The following GPC6 variants were observed in gnomAD, a reference collection of about 807,000 sequenced individuals.
GPC6 encodes glypican 6.
GPC6 carries 14 observed loss-of-function variants against 55.2 expected under a neutral mutation model. That is an observed-to-expected ratio of 0.25 (90% CI 0.17 to 0.40). The LOEUF is 0.40. GPC6 is among the 10% of genes least tolerant of loss of function. The probability of loss-of-function intolerance (pLI) is 1.00; values close to 1 mark genes in which losing one functional copy is unlikely to be tolerated. For synonymous variants in GPC6, 278 were observed against 259.6 expected, an observed-to-expected ratio of 1.07 and a Z score of -0.68; for missense variants, 641 against 708.5, an observed-to-expected ratio of 0.90 and a Z score of 1.08.
At chr13:93,970,310 AC>A (rs1486474468) in intron 3 of GPC6, among the ~76,000 whole-genome samples, 4 of 152,184 alleles carry the variant, frequency 2.6e-5, no homozygotes, top group Admixed American at 6.5e-5. Context: ...GCATAGACAA[AC>A]AAAACCTGAC....
At chr13:93,794,008 G>T (rs1312344212) in intron 2 of GPC6, among the ~76,000 whole-genome samples, 1 of 152,082 alleles carries the variant, frequency 6.6e-6, no homozygotes, top group Non-Finnish European at 1.5e-5. Context: ...TTTGTGCTTT[G>T]CTTTGACATA....
intron 3 of GPC6, among the ~76,000 whole-genome samples, chr13:94,001,873 C>A (rs1450925406): frequency 1.3e-5 from 2 of 152,112 alleles, no homozygotes; most frequent in Non-Finnish European, 2.9e-5. Context: ...AAAAAATAAA[C>A]AACTTCACTG....
chr13:93,908,189 G>T (rs1594578326), intron 3 of GPC6, among the ~76,000 whole-genome samples: 1 of 152,154 alleles, frequency 6.6e-6, no homozygotes, highest in Non-Finnish European at 1.5e-5. Flanking sequence ...CTGCCTAAAG[G>T]TAAAGGCAGA....
chr13:94,091,941 A>C (rs1471935342), intron 4 of GPC6, among the ~76,000 whole-genome samples: 1 of 119,822 alleles, frequency 8.3e-6, no homozygotes, highest in African/African-American at 3.2e-5. Flanking sequence ...TGTATTTTAA[A>C]GGCAGCCCAA....
intron 6 of GPC6, among the ~76,000 whole-genome samples, chr13:94,307,141 T>C (rs975059206): frequency 6.6e-6 from 1 of 152,224 alleles, no homozygotes; most frequent in Non-Finnish European, 1.5e-5. Flanking sequence ...CATTTCTGTC[T>C]ATAAAAATCA....
At chr13:93,245,332 T>C (rs763054327) in intron 1 of GPC6, among the ~76,000 whole-genome samples, 4 of 152,214 alleles carry the variant, frequency 2.6e-5, no homozygotes, top group Non-Finnish European at 5.9e-5. Flanking sequence ...GCACAGTCCT[T>C]CCTTCTTCTA....
chr13:93,262,166 T>C (rs774736496), intron 1 of GPC6, among the ~76,000 whole-genome samples: 17 of 152,140 alleles, frequency 1.1e-4, no homozygotes, highest in Non-Finnish European at 2.1e-4. Flanking sequence ...TCTTGGCTTA[T>C]ACAACATTCC....
chr13:93,357,719 C>T lies in GPC6; in HGVS notation c.160+130103C>T, dbSNP rs145503529. On this transcript the variant is annotated intron_variant, in intron 1 of 8. Coordinates refer to ENST00000377047, the MANE Select transcript of GPC6 (RefSeq NM_005708.5). ...ACATGGTATTGTGTGCCTGTGGTCCCAGCTACTCAGGAGGCTGAGGCTGGA... is the reference window on the plus strand; with the variant it reads ...ACATGGTATTGTGTGCCTGTGGTCCTAGCTACTCAGGAGGCTGAGGCTGGA... Among the ~76,000 whole-genome samples the T allele has an allele frequency of 3.2e-3, 490 of 152,200 alleles. 3 individuals carry two copies. Among genetic ancestry groups the T allele is most frequent in the African/African-American group, 0.011 (474 of 41,514 alleles).
At chr13:93,780,279 A>G (rs1885597141) in intron 2 of GPC6, among the ~76,000 whole-genome samples, 1 of 152,024 alleles carries the variant, frequency 6.6e-6, no homozygotes, top group African/African-American at 2.4e-5. Context: ...TAAAAGCAAA[A>G]AAAAACACAT....
chr13:94,288,596 C>G (rs1874673200), intron 5 of GPC6, among the ~76,000 whole-genome samples: 1 of 140,152 alleles, frequency 7.1e-6, no homozygotes, highest in South Asian at 2.3e-4. Flanking sequence ...CTCTCTCTCT[C>G]AGCTCCTTGA....
At chr13:94,384,036 G>A (rs1039921652) in intron 7 of GPC6, among the ~76,000 whole-genome samples, 1 of 152,204 alleles carries the variant, frequency 6.6e-6, no homozygotes, top group African/African-American at 2.4e-5. Context: ...TATGGGGATT[G>A]CAATTCAAGA....
intron 3 of GPC6, among the ~76,000 whole-genome samples, chr13:93,842,066 G>A (rs1332455826): frequency 6.6e-6 from 1 of 151,976 alleles, no homozygotes; most frequent in Non-Finnish European, 1.5e-5. Flanking sequence ...CTAAAAACAC[G>A]TTCTGTTACT....
chr13:94,006,402 C>G (rs72644500), intron 3 of GPC6, among the ~76,000 whole-genome samples: 85 of 152,012 alleles, frequency 5.6e-4, no homozygotes, highest in African/African-American at 2.0e-3. Context: ...TCCTCAGACC[C>G]GAGGCTTATA....
At chr13:93,404,875 TATCACA>T (rs1876229963) in intron 1 of GPC6, among the ~76,000 whole-genome samples, 1 of 152,172 alleles carries the variant, frequency 6.6e-6, no homozygotes, top group Non-Finnish European at 1.5e-5. Flanking sequence ...AAATAAATAC[TATCACA>T]TAGAAGATTT....
chr13:93,638,015 A>G (rs1467677001), intron 2 of GPC6, among the ~76,000 whole-genome samples: 2 of 152,072 alleles, frequency 1.3e-5, no homozygotes, highest in East Asian at 1.9e-4. Flanking sequence ...AAAACCTAGA[A>G]CTTTCGGAGT....
intron 1 of GPC6, among the ~76,000 whole-genome samples, chr13:93,394,368 T>A (rs1009486187): frequency 6.6e-6 from 1 of 152,218 alleles, no homozygotes; most frequent in Non-Finnish European, 1.5e-5. Context: ...TTATAGTAAG[T>A]ATTCAATAAA....
At chr13:93,647,962 A>C (rs2139595109) in intron 2 of GPC6, among the ~76,000 whole-genome samples, 1 of 152,170 alleles carries the variant, frequency 6.6e-6, no homozygotes, top group Non-Finnish European at 1.5e-5. Flanking sequence ...TTGCTGCCTA[A>C]ACACGGGAGT....
chr13:93,987,783 T>A (rs1436927162), intron 3 of GPC6, among the ~76,000 whole-genome samples: 5 of 152,306 alleles, frequency 3.3e-5, no homozygotes, highest in Non-Finnish European at 5.9e-5. Context: ...TATAGTACAT[T>A]TATTCTTTGC....
At chr13:94,284,611 A>G (rs933602361) in intron 4 of GPC6, among the ~76,000 whole-genome samples, 2 of 152,024 alleles carry the variant, frequency 1.3e-5, no homozygotes, top group Non-Finnish European at 2.9e-5. Context: ...TCTTCTTCCT[A>G]TTCTTCACAA....
Sources: allele counts gnomAD v4.1 joint callset (sites outside exome capture counted in the v4.1 genomes callset), GRCh38; gene constraint gnomAD v4.1.1; transcripts MANE v1.5; gene names NCBI Gene and HGNC (gene_info 2026-07-23, HGNC 2026-07-21).